PRKN: variants seen among roughly 807,000 people sequenced by gnomAD.
PRKN encodes the protein E3 ubiquitin-protein ligase parkin.
Under a neutral mutation model 59.5 loss-of-function variants are expected in PRKN, and 56 were observed. The observed-to-expected ratio is 0.94, with a 90% CI of 0.76 to 1.18. The LOEUF is 1.18. Among genes scored for constraint, PRKN ranks in the 50% most tolerant of loss-of-function variants. The probability of loss-of-function intolerance (pLI) is 0.00; values close to 1 mark genes in which losing one functional copy is unlikely to be tolerated. For missense variants in PRKN, 657 were observed against 596.4 expected (o/e 1.10, Z -1.06); for synonymous variants, 250 against 222.1 (o/e 1.13, Z -1.12).
At chr6:162,635,780 G>A (rs1467623982) in intron 1 of PRKN, among the ~76,000 whole-genome samples, 2 of 152,028 alleles carry the variant, frequency 1.3e-5, no homozygotes, top group Admixed American at 1.3e-4. Context: ...ACCAATAATT[G>A]TACACAGGCA....
chr6:162,091,161 A>T (rs559087581), intron 4 of PRKN, among the ~76,000 whole-genome samples: 2 of 148,540 alleles, frequency 1.3e-5, no homozygotes, highest in Admixed American at 6.7e-5. Context: ...GATTATAAGC[A>T]TTTTTTAAAG....
In PRKN at chr6:161,917,332, C is replaced by T. The variant is rs1039617267; in HGVS notation, c.734+55970G>A. Among the ~76,000 whole-genome samples the T allele has an allele frequency of 3.9e-5, 6 of 152,094 alleles. No homozygotes were observed. In the East Asian group the frequency reaches 1.2e-3, roughly 29 times the overall value. ...TATTGGCCAGGCTGGTCTCAAACTCCTGACCTCAGGTGATCCACCTACCTC... is the reference window on the plus strand; with the variant it reads ...TATTGGCCAGGCTGGTCTCAAACTCTTGACCTCAGGTGATCCACCTACCTC... On this transcript the variant is annotated intron_variant, in intron 6 of 11. Coordinates refer to ENST00000366898, the MANE Select transcript of PRKN (RefSeq NM_004562.3).
chr6:162,096,265 A>G (rs1303444306), intron 4 of PRKN, among the ~76,000 whole-genome samples: 1 of 152,052 alleles, frequency 6.6e-6, no homozygotes, highest in Non-Finnish European at 1.5e-5. Context: ...TGTTCCCTAA[A>G]CTCTAAGAAT....
At chr6:162,196,916 C>T (rs1043540567) in intron 4 of PRKN, among the ~76,000 whole-genome samples, 2 of 152,104 alleles carry the variant, frequency 1.3e-5, no homozygotes, top group Non-Finnish European at 2.9e-5. Flanking sequence ...CATTTAGACT[C>T]ATGATATGAG....
At chr6:161,412,352 GTCACTTATTCCTCCAC>G (rs1787612924) in intron 9 of PRKN, among the ~76,000 whole-genome samples, 1 of 117,024 alleles carries the variant, frequency 8.5e-6, no homozygotes, top group Non-Finnish European at 1.7e-5. Context: ...TCATTCCTTT[GTCACTTATTCCTCCAC>G]TCACTCATTC....
At chr6:162,652,656 C>A (rs2128226820) in intron 1 of PRKN, among the ~76,000 whole-genome samples, 1 of 152,086 alleles carries the variant, frequency 6.6e-6, no homozygotes, top group Non-Finnish European at 1.5e-5. Flanking sequence ...AGAATTGAGA[C>A]CAGCCAGGTG....
intron 4 of PRKN, among the ~76,000 whole-genome samples, chr6:162,103,895 A>C (rs1012822239): frequency 1.3e-5 from 2 of 152,182 alleles, no homozygotes; most frequent in African/African-American, 4.8e-5. Flanking sequence ...TTCTCGAAAG[A>C]GCATAAGATG....
At chr6:162,084,655 A>G (rs901855592) in intron 4 of PRKN, among the ~76,000 whole-genome samples, 2 of 152,148 alleles carry the variant, frequency 1.3e-5, no homozygotes, top group African/African-American at 4.8e-5. Context: ...TTCTACAAAC[A>G]TAAGTTACAC....
chr6:161,594,132 C>T (rs1363776705), intron 7 of PRKN, among the ~76,000 whole-genome samples: 1 of 152,122 alleles, frequency 6.6e-6, no homozygotes. Context: ...TACTGCACTC[C>T]AGCCTGGGTG....
chr6:162,529,876 T>C (rs1778439257), intron 1 of PRKN, among the ~76,000 whole-genome samples: 1 of 152,186 alleles, frequency 6.6e-6, no homozygotes, highest in Non-Finnish European at 1.5e-5. Flanking sequence ...ATGCCTGTAA[T>C]CCCAGCACTT....
At chr6:162,635,536 C>A (rs376992224) in intron 1 of PRKN, among the ~76,000 whole-genome samples, 12 of 152,052 alleles carry the variant, frequency 7.9e-5, no homozygotes, top group African/African-American at 2.7e-4. Flanking sequence ...CAAGAGTAGA[C>A]CTTATGTCGT....
At chr6:162,309,647 A>G (rs1782391776) in intron 2 of PRKN, among the ~76,000 whole-genome samples, 1 of 143,836 alleles carries the variant, frequency 7.0e-6, no homozygotes, top group Non-Finnish European at 1.5e-5. Flanking sequence ...CTGTATGGAA[A>G]AAGTTGTACT....
At chr6:161,865,706 G>A (rs934301509) in intron 6 of PRKN, among the ~76,000 whole-genome samples, 10 of 152,142 alleles carry the variant, frequency 6.6e-5, no homozygotes, top group African/African-American at 1.7e-4. Context: ...AGAGAGTTAG[G>A]GCCTTGCTCT....
intron 1 of PRKN, among the ~76,000 whole-genome samples, chr6:162,583,439 G>T (rs1780867859): frequency 6.6e-6 from 1 of 152,054 alleles, no homozygotes; most frequent in Non-Finnish European, 1.5e-5. Context: ...CTTTTCCTTC[G>T]ATAAACAAAC....
intron 3 of PRKN, among the ~76,000 whole-genome samples, chr6:162,206,113 A>T (rs932984776): frequency 1.3e-5 from 2 of 152,100 alleles, no homozygotes; most frequent in Non-Finnish European, 2.9e-5. Flanking sequence ...AGAAGCAGAG[A>T]AAAGGTTCTC....
intron 6 of PRKN, among the ~76,000 whole-genome samples, chr6:161,881,484 C>T (rs1794933357): frequency 6.6e-6 from 1 of 152,204 alleles, no homozygotes; most frequent in African/African-American, 2.4e-5. Flanking sequence ...GTCCTCCTCA[C>T]ACACGACCAG....
chr6:162,695,827 A>C (rs1777945890), intron 1 of PRKN, among the ~76,000 whole-genome samples: 1 of 152,248 alleles, frequency 6.6e-6, no homozygotes, highest in African/African-American at 2.4e-5. Flanking sequence ...GGGAAAATAA[A>C]AAGTATCAAT....
intron 2 of PRKN, among the ~76,000 whole-genome samples, chr6:162,390,396 T>TATACACACAC (rs1180636201): frequency 1.2e-5 from 1 of 84,116 alleles, no homozygotes; most frequent in African/African-American, 4.5e-5. Context: ...TATATATATA[T>TATACACACAC]ACACACACAC....
intron 9 of PRKN, among the ~76,000 whole-genome samples, chr6:161,493,079 T>G (rs564516320): frequency 6.6e-6 from 1 of 152,340 alleles, no homozygotes; most frequent in Admixed American, 6.5e-5. Flanking sequence ...AATAATAAAG[T>G]AGCTTCAAAT....
Sources: gnomAD v4.1 joint callset for allele counts (sites outside exome capture counted in the v4.1 genomes callset) on GRCh38, gnomAD v4.1.1 for gene constraint, MANE v1.5 for transcripts, NCBI Gene and HGNC (gene_info 2026-07-23, HGNC 2026-07-21) for gene names.